CACNA1C: variants seen among roughly 807,000 people sequenced by gnomAD.
CACNA1C encodes calcium voltage-gated channel subunit alpha1 C.
CACNA1C carries 30 observed loss-of-function variants against 229.0 expected under a neutral mutation model. The ratio of observed to expected loss-of-function variants is 0.13; its 90% CI spans 0.10 to 0.18. The LOEUF (loss-of-function observed/expected upper bound fraction) is 0.18. Ranked by LOEUF, CACNA1C falls within the 10% of genes least tolerant of loss-of-function variation. The pLI is 1.00. For missense variants in CACNA1C, 1,658 were observed against 2,845.0 expected, an observed-to-expected ratio of 0.58 and a Z score of 9.49; for synonymous variants, 1,114 against 1,132.5, an observed-to-expected ratio of 0.98 and a Z score of 0.33.
intron 3 of CACNA1C, among the ~76,000 whole-genome samples, chr12:2,142,738 TTG>T (rs563710229): frequency 7.3e-5 from 11 of 151,132 alleles, no homozygotes; most frequent in Non-Finnish European, 1.3e-4. Flanking sequence ...ATGTGGACAT[TTG>T]TGTGTTAGTT....
intron 3 of CACNA1C, among the ~76,000 whole-genome samples, chr12:2,141,935 C>T (rs1325870262): frequency 6.6e-6 from 1 of 151,306 alleles, no homozygotes; most frequent in Non-Finnish European, 1.5e-5. Context: ...AAGCGGAAGC[C>T]GGGCGGCTCT....
intron 3 of CACNA1C, among the ~76,000 whole-genome samples, chr12:2,138,275 G>C (rs565953709): frequency 6.6e-6 from 1 of 151,388 alleles, no homozygotes; most frequent in African/African-American, 2.4e-5. Flanking sequence ...CATCAGATCT[G>C]ACTGGAAGTG....
At chr12:2,091,716 C>A (rs1354890531) in intron 1 of CACNA1C, among the ~76,000 whole-genome samples, 1 of 152,214 alleles carries the variant, frequency 6.6e-6, no homozygotes, top group Admixed American at 6.5e-5. Flanking sequence ...AAGGACGTGT[C>A]TGGGGGTGAT....
At chr12:2,339,562 C>A (rs1202914118) in intron 3 of CACNA1C, among the ~76,000 whole-genome samples, 7 of 152,196 alleles carry the variant, frequency 4.6e-5, no homozygotes, top group Admixed American at 4.6e-4. Context: ...AAACACACAG[C>A]TGTACAAAAA....
chr12:2,569,448 AT>A (rs1306350193), intron 13 of CACNA1C, among the ~76,000 whole-genome samples: 3 of 152,158 alleles, frequency 2.0e-5, no homozygotes, highest in Non-Finnish European at 2.9e-5. Context: ...CTCCATACCC[AT>A]TCCACATTTC....
In CACNA1C at chr12:2,275,805, A is replaced by T. The variant is rs186397668; in HGVS notation, c.477+155375A>T. ...GAGGGCTCAGTGCTTCCACGGGTGG[A>T]TGTTCAGCAGCAGGCCCCCTCTGTT... On this transcript the variant is annotated intron_variant, in intron 3 of 46. Transcript: ENST00000399655. This position sits in a 1 kb window ranked among gnomAD's most constrained non-coding sequence, Gnocchi z 4.1. 8.3e-3 allele frequency among the ~76,000 whole-genome samples: 1,262 copies of T among 152,208 alleles called. 51 individuals carry two copies. Among genetic ancestry groups the T allele is most frequent in the Admixed American group, 0.075 (1,139 of 15,284 alleles).
At chr12:2,469,433 A>G (rs2099578597) in intron 5 of CACNA1C, among the ~76,000 whole-genome samples, 1 of 152,178 alleles carries the variant, frequency 6.6e-6, no homozygotes, top group Non-Finnish European at 1.5e-5. Context: ...AAATACACTC[A>G]TGTCATAGGA....
chr12:2,402,786 T>C (rs2098694542), intron 3 of CACNA1C, among the ~76,000 whole-genome samples: 1 of 152,158 alleles, frequency 6.6e-6, no homozygotes, highest in Non-Finnish European at 1.5e-5. Context: ...GGTCTCACGG[T>C]CAACAGGAAG....
chr12:1,999,804 G>C (rs2041772243), intron 1 of CACNA1C, among the ~76,000 whole-genome samples: 1 of 152,068 alleles, frequency 6.6e-6, no homozygotes, highest in Non-Finnish European at 1.5e-5. Context: ...GGTAAGTCAG[G>C]GAGTTCATCC....
intron 3 of CACNA1C, among the ~76,000 whole-genome samples, chr12:2,353,696 G>A (rs2097272263): frequency 6.6e-6 from 1 of 152,230 alleles, no homozygotes; most frequent in Non-Finnish European, 1.5e-5. Context: ...AGTGGAGCAT[G>A]ACCCGTGCCT....
At chr12:2,278,329 A>G (rs956587702) in intron 3 of CACNA1C, among the ~76,000 whole-genome samples, 12 of 152,248 alleles carry the variant, frequency 7.9e-5, no homozygotes, top group African/African-American at 2.9e-4. Flanking sequence ...AAGTTTCAAC[A>G]TTGACCATCA....
At chr12:2,000,468 A>AT (rs1779189658) in intron 1 of CACNA1C, among the ~76,000 whole-genome samples, 2 of 147,878 alleles carry the variant, frequency 1.4e-5, no homozygotes, top group Admixed American at 1.4e-4. Context: ...TCTTTTCTTA[A>AT]TTAAAAAAAA....
At chr12:2,519,316 G>A (rs1476660205) in intron 9 of CACNA1C, among the ~76,000 whole-genome samples, 1 of 152,218 alleles carries the variant, frequency 6.6e-6, no homozygotes, top group Non-Finnish European at 1.5e-5. Context: ...GCGAGTGCAT[G>A]CCATATGCCA....
In CACNA1C at chr12:2,662,069, C is replaced by T. The variant is rs373254187; in HGVS notation, c.4233-2756C>T. 2.2e-4 allele frequency among the ~76,000 whole-genome samples: 33 copies of T among 152,102 alleles called. No homozygotes were observed. The South Asian group carries it at 2.9e-3, about 13-fold the overall frequency. On this transcript the variant is annotated intron_variant, in intron 34 of 46. Transcript: ENST00000399655. ...CATCCTGGCTAACACCGTGAAACCC[C>T]GTCTCTACTAAAAATACAAAAAATT...
chr12:2,438,173 G>A (rs1226031943), intron 3 of CACNA1C, among the ~76,000 whole-genome samples: 1 of 25,744 alleles, frequency 3.9e-5, no homozygotes, highest in Non-Finnish European at 7.0e-5. Context: ...TGGTGGTGGT[G>A]GTGGGGATGG....
At chr12:2,457,412 A>G (rs2099439819) in intron 4 of CACNA1C, among the ~76,000 whole-genome samples, 155 bp from the exon 5 acceptor site, 1 of 152,134 alleles carries the variant, frequency 6.6e-6, no homozygotes, top group South Asian at 2.1e-4. Context: ...TCAGCTTACA[A>G]CCACCCACAG....
intron 7 of CACNA1C, among the ~76,000 whole-genome samples, chr12:2,496,233 G>A (rs995833301): frequency 5.3e-5 from 8 of 152,158 alleles, no homozygotes; most frequent in African/African-American, 1.4e-4. Flanking sequence ...GAACCTCATG[G>A]TGCTGGTATG....
chr12:2,191,952 G>A (rs576513917), intron 3 of CACNA1C, among the ~76,000 whole-genome samples: 18 of 147,680 alleles, frequency 1.2e-4, no homozygotes, highest in South Asian at 8.8e-4. Flanking sequence ...ACTCATACAC[G>A]CACACATGTA....
chr12:2,211,319 G>T (rs1372310898), intron 3 of CACNA1C, among the ~76,000 whole-genome samples: 4 of 152,218 alleles, frequency 2.6e-5, no homozygotes, highest in African/African-American at 9.6e-5. Flanking sequence ...ATTGGTCCAG[G>T]CTGTGCCTGG....
Sources: gnomAD v4.1 joint callset for allele counts (sites outside exome capture counted in the v4.1 genomes callset) on GRCh38, gnomAD v4.1.1 for gene constraint, Gnocchi (gnomAD v3.1) non-coding constraint, MANE v1.5 for transcripts, NCBI Gene and HGNC (gene_info 2026-07-23, HGNC 2026-07-21) for gene names.